Variants in FOXN3 observed in about 807,000 individuals in gnomAD.
The protein encoded by FOXN3 is forkhead box protein N3.
Under a neutral mutation model 38.4 loss-of-function variants are expected in FOXN3, and 7 were observed. That is an observed-to-expected ratio of 0.18 (90% CI 0.10 to 0.34). The LOEUF (loss-of-function observed/expected upper bound fraction) is 0.34. Ranked by LOEUF, FOXN3 falls within the 10% of genes least tolerant of loss-of-function variation. FOXN3 has a pLI of 1.00. For missense variants in FOXN3, 456 were observed against 613.4 expected (o/e 0.74, Z 2.71); for synonymous variants, 230 against 242.2 (o/e 0.95, Z 0.47).
intron 4 of FOXN3, among the ~76,000 whole-genome samples, chr14:89,195,600 A>G (rs2139813444): frequency 6.6e-6 from 1 of 152,284 alleles, no homozygotes; most frequent in African/African-American, 2.4e-5. Flanking sequence ...CCAGGACAAG[A>G]TCTCCAGGAG....
intron 1 of FOXN3, among the ~76,000 whole-genome samples, chr14:89,472,297 C>T (rs532023991): frequency 6.6e-6 from 1 of 152,014 alleles, no homozygotes; most frequent in Admixed American, 6.6e-5. Context: ...TTTTATGCCA[C>T]TGAGTTTTGG....
intron 4 of FOXN3, 103 bp from the exon 5 acceptor site, chr14:89,180,909 A>AGACAAAGGG: frequency 2.9e-6 from 1 of 349,712 alleles, no homozygotes; most frequent in Non-Finnish European, 4.8e-6. Flanking sequence ...AGAGAGAGAG[A>AGACAAAGGG]CAGAGGGCAG....
At chr14:89,414,282 G>A (rs970921989) in intron 1 of FOXN3, among the ~76,000 whole-genome samples, 2 of 149,364 alleles carry the variant, frequency 1.3e-5, no homozygotes, top group Non-Finnish European at 3.0e-5. Flanking sequence ...GGGCAACAGA[G>A]GGAGACCCTG....
chr14:89,254,436 C>T (rs918375591), intron 4 of FOXN3, among the ~76,000 whole-genome samples: 3 of 152,058 alleles, frequency 2.0e-5, no homozygotes, highest in Admixed American at 6.5e-5. Context: ...GGGAAAGGAG[C>T]GAGTGGTCAG....
chr14:89,419,242 ATGTC>A (rs1891842422), upstream of FOXN3: 1 of 454,876 alleles, frequency 2.2e-6, no homozygotes, highest in Admixed American at 2.4e-5. Flanking sequence ...CAGGGGACAC[ATGTC>A]TGCCTGTCGG....
At chr14:89,335,212 A>G (rs1888413338) in intron 3 of FOXN3, among the ~76,000 whole-genome samples, 2 of 152,200 alleles carry the variant, frequency 1.3e-5, no homozygotes, top group African/African-American at 4.8e-5. Context: ...TACGCCTTAA[A>G]TATCCACAAT....
At chr14:89,591,299 G>A (rs1321481558) in intron 1 of FOXN3, among the ~76,000 whole-genome samples, 4 of 152,176 alleles carry the variant, frequency 2.6e-5, no homozygotes, top group African/African-American at 9.6e-5. Context: ...GCTAAACTTC[G>A]TGCACTGAAT....
chr14:89,162,788 C>G lies in FOXN3; in HGVS notation c.1033G>C (p.Glu345Gln). The G allele has an allele frequency of 1.2e-6, 2 of 1,613,168 alleles. No homozygotes were observed. The highest frequency in any genetic ancestry group is 1.7e-6 in the Non-Finnish European group (2 of 1,179,864). ...TCCTGGCTCCCCTTGGTGGCAAACT[C>G]ATAGTGGTCGTCGGCTGAGGAGGAG... ...SSSSSADDHYEFATKGSQEGS... is the reference protein window; with the variant it reads ...SSSSSADDHYQFATKGSQEGS... Residue 345 changes from glutamate to glutamine, a missense_variant, in exon 6 of 6, where the codon GAG (glutamate) becomes CAG (glutamine). Glu to Gln is a conservative substitution (Grantham distance 29). Coordinates refer to ENST00000557258, the MANE Select transcript of FOXN3 (RefSeq NM_005197.4). The surrounding 1 kb of genome is among the most constrained non-coding windows in gnomAD (Gnocchi z 7.2).
At chr14:89,618,087 C>T (rs1355215922) in intron 1 of FOXN3, among the ~76,000 whole-genome samples, 2 of 152,288 alleles carry the variant, frequency 1.3e-5, no homozygotes, top group East Asian at 3.9e-4. Context: ...ATGAGCCAGT[C>T]GCACCCTGCC....
intron 1 of FOXN3, among the ~76,000 whole-genome samples, chr14:89,498,720 G>T (rs1409621019): frequency 2.0e-5 from 3 of 151,702 alleles, no homozygotes; most frequent in Admixed American, 2.0e-4. Flanking sequence ...TTTCTAGGTA[G>T]GTCTGGGGGT....
chr14:89,587,385 G>T (rs1351749982), intron 1 of FOXN3, among the ~76,000 whole-genome samples: 13 of 152,206 alleles, frequency 8.5e-5, no homozygotes, highest in Admixed American at 8.5e-4. Flanking sequence ...GTCTAAAGCA[G>T]GATTTGCAAA....
intron 3 of FOXN3, among the ~76,000 whole-genome samples, chr14:89,337,683 G>A (rs1031510942): frequency 6.7e-6 from 1 of 148,980 alleles, no homozygotes; most frequent in African/African-American, 2.5e-5. Context: ...AGGCTAGAGT[G>A]CAGTGGCACA....
rs1382529308 is a variant in FOXN3 at position 89,587,579 on chromosome 14, G to GT, written c.-15+31448_-15+31449insA. ...ATTTATCTCCGGGGAAAAAAGCTCA[G>GT]GCATCAGGCCGGGCACAGTGGCTCA... On this transcript the variant is annotated intron_variant, in intron 1 of 6. Transcript: ENST00000345097. Among the ~76,000 whole-genome samples, 3 of 152,160 alleles carry GT rather than the reference G, an allele frequency of 2.0e-5. No individual in the cohort carries two copies. In the East Asian group the frequency reaches 5.8e-4, roughly 29 times the overall value.
intron 3 of FOXN3, among the ~76,000 whole-genome samples, chr14:89,347,548 A>T (rs1888797612): frequency 6.6e-6 from 1 of 152,212 alleles, no homozygotes; most frequent in Non-Finnish European, 1.5e-5. Flanking sequence ...ACTTGGTTTG[A>T]AGTACTCCAC....
chr14:89,230,908 A>G (rs1884787529), intron 4 of FOXN3: 3 of 455,384 alleles, frequency 6.6e-6, no homozygotes, highest in Non-Finnish European at 1.3e-5. Context: ...TACTTCTTCT[A>G]TTTTCTCATT....
rs79925738 is a variant in FOXN3 at position 89,465,595 on chromosome 14, G to A, written c.-14-53105C>T. On this transcript the variant is annotated intron_variant, in intron 1 of 6. Coordinates refer to the FOXN3 transcript ENST00000345097. ...AGAACTTTTCAAGGGGGTCCCACAA[G>A]GTTATGTTTTGTACCACTGTCTGCA... Among the ~76,000 whole-genome samples, 638 of 152,294 alleles carry A rather than the reference G, an allele frequency of 4.2e-3. 3 individuals are homozygous for A. Among genetic ancestry groups the A allele is most frequent in the African/African-American group, 0.014 (598 of 41,558 alleles).
chr14:89,554,758 T>C (rs1302703155), intron 1 of FOXN3, among the ~76,000 whole-genome samples: 1 of 149,690 alleles, frequency 6.7e-6, no homozygotes, highest in Non-Finnish European at 1.5e-5. Context: ...ATTTCAGATA[T>C]AATCTATGTA....
chr14:89,618,635 G>A (rs930640721), intron 1 of FOXN3, among the ~76,000 whole-genome samples: 1 of 152,220 alleles, frequency 6.6e-6, no homozygotes, highest in South Asian at 2.1e-4. Flanking sequence ...AGTAACGCCC[G>A]GGGAGCCCAC....
intron 5 of FOXN3, among the ~76,000 whole-genome samples, chr14:89,169,871 G>A (rs997850000): frequency 2.6e-5 from 4 of 152,010 alleles, no homozygotes; most frequent in Non-Finnish European, 4.4e-5. Context: ...AACGTAAAAC[G>A]AGATGATAGA....
Sources: allele counts gnomAD v4.1 joint callset (sites outside exome capture counted in the v4.1 genomes callset), GRCh38; gene constraint gnomAD v4.1.1; non-coding constraint Gnocchi (gnomAD v3.1); transcripts MANE v1.5; gene names NCBI Gene and HGNC (gene_info 2026-07-23, HGNC 2026-07-21).